GNAQ: variants seen among roughly 807,000 people sequenced by gnomAD.
The protein encoded by GNAQ is G protein subunit alpha q.
GNAQ carries 8 observed loss-of-function variants against 43.9 expected under a neutral mutation model. The observed-to-expected ratio is 0.18, with a 90% CI of 0.11 to 0.33. The LOEUF (loss-of-function observed/expected upper bound fraction) is 0.33. Among genes scored for constraint, GNAQ ranks in the 10% least tolerant of loss-of-function variants. GNAQ has a pLI of 1.00. For missense variants in GNAQ, 158 were observed against 450.8 expected, an observed-to-expected ratio of 0.35 and a Z score of 5.88; for synonymous variants, 155 against 170.7, an observed-to-expected ratio of 0.91 and a Z score of 0.71.
chr9:77,746,468 T>C (rs535884622), intron 5 of GNAQ, among the ~76,000 whole-genome samples: 1 of 152,258 alleles, frequency 6.6e-6, no homozygotes, highest in East Asian at 1.9e-4. Flanking sequence ...GGAACTGATA[T>C]ATTATCTTAT....
intron 1 of GNAQ, among the ~76,000 whole-genome samples, chr9:77,953,243 A>C (rs1382431223): frequency 6.6e-6 from 1 of 152,226 alleles, no homozygotes; most frequent in Non-Finnish European, 1.5e-5. Flanking sequence ...CAGGAAATGT[A>C]GGACCAGGTC....
At chr9:77,749,801 CTAT>C (rs1825784158) in intron 5 of GNAQ, among the ~76,000 whole-genome samples, 1 of 152,114 alleles carries the variant, frequency 6.6e-6, no homozygotes, top group African/African-American at 2.4e-5. Context: ...GCAATGTACT[CTAT>C]TCTCAATTCC....
At chr9:77,918,636 C>T (rs1443311674) in intron 2 of GNAQ, among the ~76,000 whole-genome samples, 5 of 152,102 alleles carry the variant, frequency 3.3e-5, no homozygotes, top group Admixed American at 1.3e-4. Flanking sequence ...TATAAGAATT[C>T]CACTCAAGCT....
chr9:77,760,294 T>C (rs1825975426), intron 5 of GNAQ, among the ~76,000 whole-genome samples: 1 of 151,884 alleles, frequency 6.6e-6, no homozygotes, highest in African/African-American at 2.4e-5. Context: ...CTCGGCTCAC[T>C]GCAACCTCCC....
chr9:77,986,129 T>C (rs942772009), intron 1 of GNAQ, among the ~76,000 whole-genome samples: 29 of 152,172 alleles, frequency 1.9e-4, no homozygotes, highest in African/African-American at 6.5e-4. Context: ...TCTCCAGCCA[T>C]GCAGATTATA....
chr9:77,964,072 A>G (rs1171845869), intron 1 of GNAQ, among the ~76,000 whole-genome samples: 3 of 152,310 alleles, frequency 2.0e-5, no homozygotes, highest in African/African-American at 7.2e-5. Flanking sequence ...AAATGAAGTT[A>G]ATACTTTTTA....
chr9:77,956,520 G>A (rs1168492975), intron 1 of GNAQ, among the ~76,000 whole-genome samples: 3 of 152,124 alleles, frequency 2.0e-5, no homozygotes, highest in African/African-American at 4.8e-5. Context: ...TATATCCTAT[G>A]GGAAGGAACA....
At chr9:77,931,960 G>C (rs1190009217) in intron 1 of GNAQ, among the ~76,000 whole-genome samples, 1 of 152,280 alleles carries the variant, frequency 6.6e-6, no homozygotes, top group East Asian at 1.9e-4. Context: ...AGGGTTGGGT[G>C]GGGGGACAAC....
At chr9:77,949,889 G>GT (rs1822954971) in intron 1 of GNAQ, among the ~76,000 whole-genome samples, 1 of 152,044 alleles carries the variant, frequency 6.6e-6, no homozygotes, top group Non-Finnish European at 1.5e-5. Flanking sequence ...CTGCAATCTG[G>GT]TTTTTGTCTT....
At chr9:77,979,695 G>C (rs781175871) in intron 1 of GNAQ, among the ~76,000 whole-genome samples, 14 of 152,120 alleles carry the variant, frequency 9.2e-5, no homozygotes, top group Non-Finnish European at 2.1e-4. Context: ...ATTCTGAACT[G>C]CATCTTATGA....
At chr9:77,763,041 T>G (rs1826076161) in intron 5 of GNAQ, among the ~76,000 whole-genome samples, 2 of 151,500 alleles carry the variant, frequency 1.3e-5, no homozygotes, top group South Asian at 4.2e-4. Flanking sequence ...CCTCCACTAT[T>G]GTCCTATGAC....
Position 77,826,863 on chromosome 9 carries a change from T to C in GNAQ, c.322-11093A>G, listed in dbSNP as rs148688982. On this transcript the variant is annotated intron_variant, in intron 2 of 6. Transcript: ENST00000286548. The stretch of plus-strand genomic sequence containing the variant: ...TTCAGATATGACTCAGGAGGAATGA[T>C]AGTGAAATGTCCTTACACAACCCTT... Among the ~76,000 whole-genome samples, 18 of 152,328 alleles carry C rather than the reference T, an allele frequency of 1.2e-4. No individual in the cohort carries two copies. In the East Asian group the frequency reaches 2.5e-3, roughly 21 times the overall value.
At chr9:77,818,007 A>AAAAAAC (rs994828034) in intron 2 of GNAQ, among the ~76,000 whole-genome samples, 4 of 152,020 alleles carry the variant, frequency 2.6e-5, no homozygotes, top group East Asian at 3.9e-4. Flanking sequence ...CAAAAAACAA[A>AAAAAAC]AAAAACAAAA....
chr9:77,766,735 A>G (rs1307101859), intron 5 of GNAQ, among the ~76,000 whole-genome samples: 1 of 152,122 alleles, frequency 6.6e-6, no homozygotes, highest in Non-Finnish European at 1.5e-5. Context: ...TCTGCAGTCC[A>G]AGTGTGGGTG....
At chr9:77,878,648 AAAGAG>A (rs978868469) in intron 2 of GNAQ, among the ~76,000 whole-genome samples, 16 of 152,192 alleles carry the variant, frequency 1.1e-4, no homozygotes, top group Admixed American at 9.8e-4. Context: ...CTGAAAAAAA[AAAGAG>A]AAGAGGGTAA....
At chr9:77,998,924 T>C (rs1452610298) in intron 1 of GNAQ, among the ~76,000 whole-genome samples, 9 of 151,132 alleles carry the variant, frequency 6.0e-5, no homozygotes. Context: ...CCGTCTCTAC[T>C]AAAACTACAA....
intron 1 of GNAQ, among the ~76,000 whole-genome samples, chr9:77,931,056 C>T (rs559406930): frequency 6.6e-6 from 1 of 151,472 alleles, no homozygotes; most frequent in South Asian, 2.1e-4. Flanking sequence ...CGAAACCAAC[C>T]CCCCGACCCG....
intron 1 of GNAQ, among the ~76,000 whole-genome samples, chr9:77,941,488 A>T (rs1829314459): frequency 6.6e-6 from 1 of 152,146 alleles, no homozygotes; most frequent in Admixed American, 6.5e-5. Flanking sequence ...TGACCTCATG[A>T]TCCGCCTGCC....
chr9:77,867,657 C>T (rs1389232679), intron 2 of GNAQ, among the ~76,000 whole-genome samples: 1 of 152,172 alleles, frequency 6.6e-6, no homozygotes, highest in Non-Finnish European at 1.5e-5. Context: ...CTTCTGTATG[C>T]AGCCCTCAGG....
Sources: allele counts gnomAD v4.1 joint callset (sites outside exome capture counted in the v4.1 genomes callset), GRCh38; gene constraint gnomAD v4.1.1; transcripts MANE v1.5; gene names NCBI Gene and HGNC (gene_info 2026-07-23, HGNC 2026-07-21).